UNC5D: variants seen among roughly 807,000 people sequenced by gnomAD.
UNC5D encodes the protein netrin receptor UNC5D.
A neutral mutation model predicts 105.4 loss-of-function variants in UNC5D; 39 were observed. The ratio of observed to expected loss-of-function variants is 0.37; its 90% CI spans 0.29 to 0.48. UNC5D has a LOEUF of 0.48. Among genes scored for constraint, UNC5D ranks in the 20% least tolerant of loss-of-function variants. The pLI, the probability that UNC5D is intolerant of heterozygous loss-of-function variation, is 0.98. For missense variants in UNC5D, 991 were observed against 1,202.4 expected (o/e 0.82, Z 2.60); for synonymous variants, 452 against 450.4 (o/e 1.00, Z -0.04).
At chr8:35,329,193 C>T (rs1810406495) in intron 1 of UNC5D, among the ~76,000 whole-genome samples, 1 of 152,028 alleles carries the variant, frequency 6.6e-6, no homozygotes, top group African/African-American at 2.4e-5. Flanking sequence ...GGTTAAATAA[C>T]ATGCTCAAAG....
chr8:35,364,667 T>C (rs563544747), intron 1 of UNC5D, among the ~76,000 whole-genome samples: 2 of 152,288 alleles, frequency 1.3e-5, no homozygotes, highest in African/African-American at 4.8e-5. Flanking sequence ...CATACACATA[T>C]ATACACACAT....
chr8:35,445,759 T>C (rs913004748), intron 1 of UNC5D, among the ~76,000 whole-genome samples: 2 of 152,032 alleles, frequency 1.3e-5, no homozygotes, highest in Admixed American at 6.6e-5. Context: ...CAGCAAACTA[T>C]AGGTGGTGCT....
At chr8:35,312,887 T>A (rs1809004040) in intron 1 of UNC5D, among the ~76,000 whole-genome samples, 1 of 152,204 alleles carries the variant, frequency 6.6e-6, no homozygotes, top group South Asian at 2.1e-4. Context: ...ATCTAAATTG[T>A]CAAATTAATC....
At chr8:35,724,914 C>G (rs1828778726) in intron 9 of UNC5D, among the ~76,000 whole-genome samples, 2 of 152,036 alleles carry the variant, frequency 1.3e-5, no homozygotes, top group Non-Finnish European at 2.9e-5. Context: ...GTACCTGGGT[C>G]TTGATACAAC....
rs964625177 is a variant in UNC5D, at chr8:35,791,242, C to A, written c.*679C>A. ...TTCCTGAGACAAATCTACCCTTATT[C>A]TTTCTTCCTCTTCCTTACCCCTTGC... is the stretch of plus-strand genomic sequence containing the variant. On this transcript the variant is annotated 3_prime_UTR_variant, in exon 17 of 17. Transcript: ENST00000404895. 6.5e-6 allele frequency: 1 copy of A among 153,436 alleles called. No individual in the cohort carries two copies. The highest frequency in any genetic ancestry group is 2.4e-5 in the African/African-American group (1 of 41,454). 9.5% of individuals were successfully genotyped at this position (153,436 alleles called of 1,614,324 possible). A position where few individuals can be genotyped will look rare whatever the true frequency, so the allele number is the denominator to read the frequency against.
chr8:35,785,262 T>C (rs1017396081), intron 16 of UNC5D, among the ~76,000 whole-genome samples: 8 of 152,186 alleles, frequency 5.3e-5, no homozygotes, highest in Admixed American at 2.0e-4. Context: ...GATGGATACA[T>C]GGCAAACCAA....
chr8:35,267,450 T>C (rs997486053), intron 1 of UNC5D, among the ~76,000 whole-genome samples: 27 of 152,178 alleles, frequency 1.8e-4, no homozygotes, highest in African/African-American at 6.3e-4. Flanking sequence ...GTTGTTGTTA[T>C]TGTTTTGAGA....
intron 1 of UNC5D, among the ~76,000 whole-genome samples, chr8:35,303,405 A>G (rs1029865213): frequency 6.6e-6 from 1 of 152,192 alleles, no homozygotes; most frequent in African/African-American, 2.4e-5. Context: ...TCAAGTGTTC[A>G]GTAGAATACA....
chr8:35,674,588 G>C (rs1386955870), intron 4 of UNC5D, among the ~76,000 whole-genome samples: 7 of 152,174 alleles, frequency 4.6e-5, no homozygotes, highest in Admixed American at 4.6e-4. Flanking sequence ...TGAAATGCTA[G>C]ATATCATTAT....
At chr8:35,279,909 T>C (rs1806028233) in intron 1 of UNC5D, among the ~76,000 whole-genome samples, 1 of 152,202 alleles carries the variant, frequency 6.6e-6, no homozygotes, top group Non-Finnish European at 1.5e-5. Context: ...TGGCTACTCT[T>C]ATGGTGGAAA....
Position 35,784,569 on chromosome 8 carries a change from G to A in UNC5D, c.2658-5790G>A, listed in dbSNP as rs201193266. ...TCGAGACCAGCCTGTGCAACATGGC[G>A]AAATCCTGTATCTACTAAAAGTACA... is the stretch of plus-strand genomic sequence containing the variant. On this transcript the variant is annotated intron_variant, in intron 16 of 16. Transcript: ENST00000404895. Among the ~76,000 whole-genome samples, 26 of 152,108 alleles carry A rather than the reference G, an allele frequency of 1.7e-4. No individual in the cohort carries two copies. The East Asian group carries it at 1.9e-3, about 11-fold the overall frequency.
chr8:35,423,908 A>G (rs1806077538), intron 1 of UNC5D, among the ~76,000 whole-genome samples: 1 of 148,150 alleles, frequency 6.7e-6, no homozygotes, highest in African/African-American at 2.5e-5. Flanking sequence ...GCAGAAGTTC[A>G]GTGTTACAGT....
intron 1 of UNC5D, among the ~76,000 whole-genome samples, chr8:35,400,532 T>C (rs567768670): frequency 2.0e-5 from 3 of 152,244 alleles, no homozygotes; most frequent in Non-Finnish European, 4.4e-5. Flanking sequence ...TAAAAACAGA[T>C]GTAAACTTCA....
chr8:35,731,648 C>G (rs1029635296), intron 11 of UNC5D, among the ~76,000 whole-genome samples: 2 of 152,100 alleles, frequency 1.3e-5, no homozygotes, highest in African/African-American at 4.8e-5. Flanking sequence ...AACAGTGAAT[C>G]GTTAGGTCAG....
intron 13 of UNC5D, among the ~76,000 whole-genome samples, chr8:35,755,676 T>G (rs1001813636): frequency 2.6e-5 from 4 of 152,144 alleles, no homozygotes. Flanking sequence ...GCAACCCCAC[T>G]GTAAAATGAT....
rs371339032 is a variant in UNC5D at position 35,549,518 on chromosome 8, C to T, written c.322+8C>T. The T allele has an allele frequency of 1.6e-5, 26 of 1,609,396 alleles. No homozygotes were observed. In the East Asian group the frequency reaches 3.3e-4, roughly 21 times the overall value. The stretch of plus-strand genomic sequence containing the variant: ...CTCTGGACGAGAGCTCAGGTAGGAG[C>T]GTGCAGCAGTCAGAAGCAGCTGTGG... On this transcript the variant is annotated splice_region_variant and intron_variant, in intron 2 of 16. Transcript: ENST00000404895.
At chr8:35,593,087 A>AC (rs1563568757) in intron 3 of UNC5D, among the ~76,000 whole-genome samples, 6 of 150,808 alleles carry the variant, frequency 4.0e-5, no homozygotes, top group Non-Finnish European at 8.9e-5. Context: ...ACACACACAC[A>AC]AATATGTAAA....
intron 1 of UNC5D, among the ~76,000 whole-genome samples, chr8:35,463,842 T>A (rs1809093306): frequency 6.6e-6 from 1 of 151,982 alleles, no homozygotes; most frequent in African/African-American, 2.4e-5. Flanking sequence ...TATTGCTACA[T>A]TCACAGCATG....
At chr8:35,600,692 G>T (rs1338248262) in intron 4 of UNC5D, among the ~76,000 whole-genome samples, 2 of 152,114 alleles carry the variant, frequency 1.3e-5, no homozygotes. Flanking sequence ...GTAGATTCTG[G>T]ATATTAGCCC....
Sources: allele counts gnomAD v4.1 joint callset (sites outside exome capture counted in the v4.1 genomes callset), GRCh38; gene constraint gnomAD v4.1.1; transcripts MANE v1.5; gene names NCBI Gene and HGNC (gene_info 2026-07-23, HGNC 2026-07-21).